Variants in LARP1B observed in about 807,000 individuals in gnomAD.
The protein encoded by LARP1B is la-related protein 1B.
LARP1B carries 76 observed loss-of-function variants against 114.2 expected under a neutral mutation model. That is an observed-to-expected ratio of 0.67 (90% CI 0.55 to 0.81). The LOEUF (loss-of-function observed/expected upper bound fraction) is 0.81, where lower values mean the gene tolerates loss of function less well. Among genes scored for constraint, LARP1B ranks in the 30% least tolerant of loss-of-function variants. The pLI, the probability that LARP1B is intolerant of heterozygous loss-of-function variation, is 0.00. For missense variants in LARP1B, 1,014 were observed against 1,075.8 expected, an observed-to-expected ratio of 0.94 and a Z score of 0.80; for synonymous variants, 345 against 348.0, an observed-to-expected ratio of 0.99 and a Z score of 0.10.
At chr4:128,119,409 A>AC (rs1289295521) in intron 10 of LARP1B, among the ~76,000 whole-genome samples, 1 of 152,190 alleles carries the variant, frequency 6.6e-6, no homozygotes, top group African/African-American at 2.4e-5. Flanking sequence ...GATGTGTTCA[A>AC]CTTCTGTTCA....
At chr4:128,069,115 G>T in intron 1 of LARP1B, 1 of 1,086,504 alleles carries the variant, frequency 9.2e-7, no homozygotes, top group Non-Finnish European at 1.4e-6. Context: ...CCAAGGCTAT[G>T]GCTCTTTCGG....
chr4:128,119,414 TGTTCAGCCCCAGTACACA>T (rs1787158236), intron 10 of LARP1B, among the ~76,000 whole-genome samples: 1 of 152,240 alleles, frequency 6.6e-6, no homozygotes, highest in Admixed American at 6.5e-5. Flanking sequence ...GTTCAACTTC[TGTTCAGCCCCAGTACACA>T]AAACATGAGC....
chr4:128,113,893 TCTCCTGCGTCAGC>T (rs539871711), intron 9 of LARP1B, among the ~76,000 whole-genome samples: 1 of 151,782 alleles, frequency 6.6e-6, no homozygotes, highest in South Asian at 2.1e-4. Flanking sequence ...TTCAAGCGAT[TCTCCTGCGTCAGC>T]CTCCTGAGTA....
intron 11 of LARP1B, among the ~76,000 whole-genome samples, chr4:128,132,674 A>C (rs1163870605): frequency 6.6e-6 from 1 of 152,172 alleles, no homozygotes; most frequent in Non-Finnish European, 1.5e-5. Flanking sequence ...GCCATCATAA[A>C]AGACTACATA....
chr4:128,070,840 A>C (rs1765002134), intron 1 of LARP1B, among the ~76,000 whole-genome samples: 1 of 151,620 alleles, frequency 6.6e-6, no homozygotes, highest in Non-Finnish European at 1.5e-5. Flanking sequence ...AATATGGCTG[A>C]CATAGTTGAT....
At chr4:128,176,769 TG>T (rs1456016163) in intron 12 of LARP1B, 102 bp from the exon 13 acceptor site, 10 of 1,047,234 alleles carry the variant, frequency 9.5e-6, no homozygotes, top group Middle Eastern at 2.3e-4. Context: ...TTGGCATCTA[TG>T]GGATGATATG....
chr4:128,114,463 G>A (rs1215465902), intron 9 of LARP1B, 107 bp from the exon 10 acceptor site: 1 of 818,324 alleles, frequency 1.2e-6, no homozygotes, highest in Non-Finnish European at 1.9e-6. Flanking sequence ...GACTGATCAT[G>A]TTTTTGTGAA....
Position 128,210,191 on chromosome 4 carries a change from A to G in LARP1B, c.*138A>G, listed in dbSNP as rs775001130. On this transcript the variant is annotated 3_prime_UTR_variant, in exon 20 of 20. Coordinates refer to ENST00000326639, the MANE Select transcript of LARP1B (RefSeq NM_018078.4). ...GAAAATCTTCTGGTGTTTAATTGTG[A>G]TAATAAGAAAGAAGAAAAAGAAAGA... 2.3e-5 allele frequency: 33 copies of G among 1,463,490 alleles called. No homozygotes were observed. The highest frequency in any genetic ancestry group is 2.9e-5 in the Non-Finnish European group (32 of 1,110,044). The allele number at this position is 1,463,490 out of a possible 1,614,324, so 90.7% of individuals were successfully genotyped here.
Position 128,211,890 on chromosome 4 carries a change from C to A in LARP1B, c.*1837C>A. The A allele has an allele frequency of 2.6e-6, 1 of 381,218 alleles. No homozygotes were observed. The highest frequency in any genetic ancestry group is 3.6e-6 in the Non-Finnish European group (1 of 278,142). The allele number at this position is 381,218 out of a possible 1,614,324, so 23.6% of individuals were successfully genotyped here. On this transcript the variant is annotated 3_prime_UTR_variant, in exon 20 of 20. Coordinates refer to ENST00000326639, the MANE Select transcript of LARP1B (RefSeq NM_018078.4). ...GGTTTGTATTAATTAGTAGTTTTAT[C>A]ATATTTTTATTATAAAAGTAATACA...
downstream of LARP1B, among the ~76,000 whole-genome samples, chr4:128,213,892 C>T (rs1356579364): frequency 2.0e-5 from 3 of 151,808 alleles, no homozygotes; most frequent in African/African-American, 7.3e-5. Flanking sequence ...TCTGAGGTAC[C>T]GGGTTCATCT....
intron 15 of LARP1B, among the ~76,000 whole-genome samples, chr4:128,187,924 C>T (rs1750886652): frequency 6.6e-6 from 1 of 152,112 alleles, no homozygotes; most frequent in Non-Finnish European, 1.5e-5. Context: ...CCTCCTGCTC[C>T]AGCTATGTGA....
downstream of LARP1B, among the ~76,000 whole-genome samples, chr4:128,213,915 C>A (rs544966088): frequency 6.6e-6 from 1 of 151,968 alleles, no homozygotes; most frequent in Admixed American, 6.5e-5. Flanking sequence ...CTAGGGAGTG[C>A]CAGACAGTGG....
At chr4:128,064,777 G>A (rs1561007109) in intron 1 of LARP1B, among the ~76,000 whole-genome samples, 1 of 152,116 alleles carries the variant, frequency 6.6e-6, no homozygotes, top group Non-Finnish European at 1.5e-5. Flanking sequence ...TGTGCCTGTA[G>A]TTTTAGCTCC....
Position 128,210,012 on chromosome 4 carries a change from A to C in LARP1B, c.2704A>C (p.Arg902=). 1 of 1,614,160 alleles carries C rather than the reference A, an allele frequency of 6.2e-7. No individual in the cohort carries two copies. Among genetic ancestry groups the C allele is most frequent in the Non-Finnish European group, 8.5e-7 (1 of 1,179,998 alleles). Residue 902 remains arginine (R), a synonymous_variant, in exon 20 of 20, where the codon AGA becomes CGA. Coordinates refer to ENST00000326639, the MANE Select transcript of LARP1B (RefSeq NM_018078.4). ...GCTTCAGGTACCAATAAACTCTCCC[A>C]GAAGGAATATTTCACCGGAGTCCAG... The part of the protein sequence containing the change: ...SELQVPINSP[R]RNISPESSDN...
intron 5 of LARP1B, among the ~76,000 whole-genome samples, chr4:128,083,133 G>T: frequency 6.6e-6 from 1 of 152,176 alleles, no homozygotes; most frequent in Non-Finnish European, 1.5e-5. Context: ...AGGGTTGGGG[G>T]TAAGGTCATA....
chr4:128,121,705 G>T (rs2150006061), intron 10 of LARP1B, 121 bp from the exon 11 acceptor site: 3 of 632,452 alleles, frequency 4.7e-6, no homozygotes, highest in Non-Finnish European at 7.7e-6. Context: ...TTACAGTTTG[G>T]CTGTTAAACT....
chr4:128,070,382 C>T (rs902922464), intron 1 of LARP1B, among the ~76,000 whole-genome samples: 10 of 152,018 alleles, frequency 6.6e-5, no homozygotes, highest in African/African-American at 9.7e-5. Flanking sequence ...GAGGACTGCC[C>T]GGGCACGGTG....
At chr4:128,065,599 G>A (rs1199339300) in intron 1 of LARP1B, among the ~76,000 whole-genome samples, 2 of 151,932 alleles carry the variant, frequency 1.3e-5, no homozygotes, top group Non-Finnish European at 2.9e-5. Context: ...AGATTGTGGT[G>A]TAGAAACATA....
chr4:128,101,557 A>AT (rs1456306665), intron 8 of LARP1B, among the ~76,000 whole-genome samples: 1 of 150,690 alleles, frequency 6.6e-6, no homozygotes, highest in African/African-American at 2.5e-5. Context: ...AACAGAGAAA[A>AT]TTAGTTTTTT....
Sources: gnomAD v4.1 joint callset for allele counts (sites outside exome capture counted in the v4.1 genomes callset) on GRCh38, gnomAD v4.1.1 for gene constraint, MANE v1.5 for transcripts, NCBI Gene and HGNC (gene_info 2026-07-23, HGNC 2026-07-21) for gene names.